NELL1: variants seen among roughly 807,000 people sequenced by gnomAD.
NELL1 encodes the protein neural EGFL like 1, also known as protein kinase C-binding protein NELL1.
A neutral mutation model predicts 107.4 loss-of-function variants in NELL1; 76 were observed. The ratio of observed to expected loss-of-function variants is 0.71; its 90% CI spans 0.59 to 0.86. NELL1 has a LOEUF of 0.86. Among genes scored for constraint, NELL1 ranks in the 40% least tolerant of loss-of-function variants. NELL1 has a pLI of 0.00. For synonymous variants in NELL1, 353 were observed against 341.2 expected, an observed-to-expected ratio of 1.03 and a Z score of -0.38; for missense variants, 1,024 against 1,005.5, an observed-to-expected ratio of 1.02 and a Z score of -0.25.
At chr11:21,440,884 C>G (rs1398737551) in intron 15 of NELL1, among the ~76,000 whole-genome samples, 1 of 152,044 alleles carries the variant, frequency 6.6e-6, no homozygotes, top group Non-Finnish European at 1.5e-5. Context: ...GAAAAGTCTG[C>G]AACTTTTATT....
chr11:21,065,809 G>A (rs538104412), intron 12 of NELL1, among the ~76,000 whole-genome samples: 24 of 152,280 alleles, frequency 1.6e-4, no homozygotes, highest in Admixed American at 1.5e-3. Flanking sequence ...TTCTGATATT[G>A]TATGTGCTAC....
At chr11:20,903,571 C>T (rs1849925815) in intron 5 of NELL1, among the ~76,000 whole-genome samples, 1 of 151,930 alleles carries the variant, frequency 6.6e-6, no homozygotes, top group Admixed American at 6.6e-5. Flanking sequence ...TGTTGATGGC[C>T]TAGATTATGG....
chr11:20,705,200 G>T (rs1321636847), intron 2 of NELL1, among the ~76,000 whole-genome samples: 2 of 152,114 alleles, frequency 1.3e-5, no homozygotes, highest in Non-Finnish European at 2.9e-5. Context: ...AGCCCACATT[G>T]CCAAGTCAAT....
At chr11:21,088,054 T>A (rs1233663860) in intron 12 of NELL1, among the ~76,000 whole-genome samples, 1 of 144,440 alleles carries the variant, frequency 6.9e-6, no homozygotes, top group African/African-American at 2.6e-5. Context: ...TGAGTCCCAG[T>A]AGCTCTGTGT....
chr11:20,884,392 A>G (rs1018885235), intron 4 of NELL1, among the ~76,000 whole-genome samples: 6 of 152,220 alleles, frequency 3.9e-5, no homozygotes, highest in African/African-American at 1.4e-4. Flanking sequence ...ATGATTCCGC[A>G]GCCGTTGCTC....
At chr11:20,851,986 C>T (rs1848802782) in intron 4 of NELL1, among the ~76,000 whole-genome samples, 1 of 152,172 alleles carries the variant, frequency 6.6e-6, no homozygotes, top group Admixed American at 6.5e-5. Flanking sequence ...CCTGAAGTGA[C>T]AGTGGAGCTG....
At chr11:21,134,245 A>G (rs1590667710) in intron 13 of NELL1, among the ~76,000 whole-genome samples, 2 of 152,342 alleles carry the variant, frequency 1.3e-5, no homozygotes, top group Middle Eastern at 3.4e-3. Context: ...GGCAGCACTC[A>G]GGCTAGGATG....
At chr11:21,448,520 T>C (rs929940180) in intron 15 of NELL1, among the ~76,000 whole-genome samples, 5 of 152,212 alleles carry the variant, frequency 3.3e-5, no homozygotes, top group African/African-American at 1.2e-4. Flanking sequence ...TTCACCTAAG[T>C]AAACACACAT....
At chr11:21,288,159 G>A (rs980697582) in intron 14 of NELL1, among the ~76,000 whole-genome samples, 2 of 151,990 alleles carry the variant, frequency 1.3e-5, no homozygotes, top group Non-Finnish European at 2.9e-5. Flanking sequence ...GGAAAGAAAG[G>A]AAGGAAGGGC....
In NELL1 at chr11:21,521,077, C is replaced by A. The variant is rs376134794; in HGVS notation, c.1646-13297C>A. On this transcript the variant is annotated intron_variant, in intron 15 of 19. Coordinates refer to ENST00000357134, the MANE Select transcript of NELL1 (RefSeq NM_006157.5). ...CTATGTACCTGACTTTTACTGGTTT[C>A]TTACAGATCTAAAGTTATGGCTTTA... 4.6e-5 allele frequency among the ~76,000 whole-genome samples: 7 copies of A among 151,872 alleles called. No individual in the cohort carries two copies. In the South Asian group the frequency reaches 1.2e-3, roughly 27 times the overall value.
At chr11:20,733,237 C>T (rs1427298963) in intron 2 of NELL1, among the ~76,000 whole-genome samples, 7 of 152,322 alleles carry the variant, frequency 4.6e-5, no homozygotes, top group Non-Finnish European at 7.3e-5. Flanking sequence ...CAGAAGAGCA[C>T]TGTATCTTCT....
At chr11:21,101,234 A>G (rs541546641) in intron 12 of NELL1, among the ~76,000 whole-genome samples, 11 of 152,226 alleles carry the variant, frequency 7.2e-5, no homozygotes, top group Admixed American at 7.2e-4. Flanking sequence ...AATCCAGTCT[A>G]TCATTGTTGG....
At chr11:21,285,177 A>C (rs927928775) in intron 14 of NELL1, among the ~76,000 whole-genome samples, 2 of 152,200 alleles carry the variant, frequency 1.3e-5, no homozygotes, top group Non-Finnish European at 2.9e-5. Flanking sequence ...GTTTAAATTG[A>C]GGACAATTTT....
At chr11:21,405,157 C>G (rs1852203805) in intron 15 of NELL1, among the ~76,000 whole-genome samples, 1 of 151,666 alleles carries the variant, frequency 6.6e-6, no homozygotes, top group Non-Finnish European at 1.5e-5. Flanking sequence ...CTGGGCCCAC[C>G]AAGCTCTTTT....
chr11:21,341,582 T>C (rs1248782149), intron 14 of NELL1, among the ~76,000 whole-genome samples: 1 of 151,942 alleles, frequency 6.6e-6, no homozygotes, highest in Non-Finnish European at 1.5e-5. Context: ...TACTGGAGGG[T>C]AAAGAAGGAT....
At chr11:21,240,769 G>T (rs942259190) in intron 14 of NELL1, among the ~76,000 whole-genome samples, 8 of 148,088 alleles carry the variant, frequency 5.4e-5, no homozygotes, top group South Asian at 2.2e-4. Context: ...TTTCTAGTGG[G>T]GGGGGGGAGG....
intron 13 of NELL1, among the ~76,000 whole-genome samples, chr11:21,161,879 A>G (rs1376948383): frequency 2.6e-5 from 4 of 150,944 alleles, no homozygotes; most frequent in African/African-American, 9.7e-5. Context: ...ACATGTGGCT[A>G]ATGGCTGCCA....
intron 2 of NELL1, among the ~76,000 whole-genome samples, chr11:20,711,092 T>G (rs1371315178): frequency 6.6e-6 from 1 of 152,178 alleles, no homozygotes; most frequent in Non-Finnish European, 1.5e-5. Context: ...TTCTTGTTTC[T>G]CTAGTTCCCT....
intron 13 of NELL1, among the ~76,000 whole-genome samples, chr11:21,208,026 T>C (rs1272873646): frequency 6.6e-6 from 1 of 152,206 alleles, no homozygotes; most frequent in African/African-American, 2.4e-5. Flanking sequence ...ATTCTTTTTT[T>C]TGTTTTGTTT....
Sources: allele counts gnomAD v4.1 joint callset (sites outside exome capture counted in the v4.1 genomes callset), GRCh38; gene constraint gnomAD v4.1.1; transcripts MANE v1.5; gene names NCBI Gene and HGNC (gene_info 2026-07-23, HGNC 2026-07-21).